FOXP1: variants seen among roughly 807,000 people sequenced by gnomAD.
FOXP1 encodes the protein forkhead box P1, also known as forkhead box protein P1.
A neutral mutation model predicts 98.2 loss-of-function variants in FOXP1; 15 were observed. The observed-to-expected ratio is 0.15, with a 90% CI of 0.10 to 0.24. The LOEUF (loss-of-function observed/expected upper bound fraction) is 0.24, where lower values mean the gene tolerates loss of function less well. Among genes scored for constraint, FOXP1 ranks in the 10% least tolerant of loss-of-function variants. FOXP1 has a pLI of 1.00. For missense variants in FOXP1, 633 were observed against 848.5 expected (o/e 0.75, Z 3.15); for synonymous variants, 371 against 314.5 (o/e 1.18, Z -1.90).
intron 4 of FOXP1, among the ~76,000 whole-genome samples, chr3:71,344,575 G>A (rs1314993052): frequency 6.6e-6 from 1 of 152,154 alleles, no homozygotes; most frequent in Admixed American, 6.5e-5. Context: ...TGTGGCTCAC[G>A]CCTGTAATCC....
intron 3 of FOXP1, among the ~76,000 whole-genome samples, chr3:71,365,413 C>T (rs2078847963): frequency 6.7e-6 from 1 of 150,360 alleles, no homozygotes; most frequent in African/African-American, 2.5e-5. Flanking sequence ...GAATCCCATG[C>T]CATTCCGAAC....
At chr3:71,483,744 C>A (rs114663770) in intron 3 of FOXP1, among the ~76,000 whole-genome samples, 1 of 152,210 alleles carries the variant, frequency 6.6e-6, no homozygotes, top group African/African-American at 2.4e-5. Context: ...AGAAAAGATT[C>A]GCTGATCCCT....
Position 71,421,670 on chromosome 3 carries a change from G to A in FOXP1, c.-167-62426C>T, listed in dbSNP as rs188760270. Among the ~76,000 whole-genome samples, 73 of 152,258 alleles carry A rather than the reference G, an allele frequency of 4.8e-4. No individual in the cohort carries two copies. In the East Asian group the frequency reaches 8.9e-3, roughly 19 times the overall value. The stretch of plus-strand genomic sequence containing the variant: ...GTGAATGGTTCACACTAGAAACAGA[G>A]GGGCCGCTGGTCTCAGGACCTCCTG... On this transcript the variant is annotated intron_variant, in intron 3 of 20. Transcript: ENST00000649528.
chr3:71,275,873 C>T (rs1288697), intron 5 of FOXP1, among the ~76,000 whole-genome samples: 114,026 of 152,140 alleles, frequency 0.75, 43,493 homozygotes, highest in East Asian at 0.92. Flanking sequence ...TGTGTTTCCC[C>T]GTCCTTTCCT....
intron 4 of FOXP1, among the ~76,000 whole-genome samples, chr3:71,353,431 T>C (rs1305545887): frequency 6.6e-6 from 1 of 152,188 alleles, no homozygotes; most frequent in East Asian, 1.9e-4. Flanking sequence ...ATGCAAAAAA[T>C]CTGGGTGTTA....
At chr3:71,573,318 C>T (rs1309755129) in intron 2 of FOXP1, among the ~76,000 whole-genome samples, 1 of 152,142 alleles carries the variant, frequency 6.6e-6, no homozygotes. Flanking sequence ...AAAAGGTGAA[C>T]TTTCGCCAGG....
intron 7 of FOXP1, among the ~76,000 whole-genome samples, chr3:71,071,012 G>A (rs1222146811): frequency 6.6e-6 from 1 of 152,178 alleles, no homozygotes; most frequent in Non-Finnish European, 1.5e-5. Context: ...CACACTGTGT[G>A]GCATAGAAGC....
At chr3:71,323,327 T>C (rs1176638213) in intron 4 of FOXP1, among the ~76,000 whole-genome samples, 20 of 152,070 alleles carry the variant, frequency 1.3e-4, no homozygotes, top group Admixed American at 1.3e-3. Context: ...AATGAAGTAG[T>C]ATAAGGAACA....
At chr3:71,068,412 G>A (rs933807501) in intron 7 of FOXP1, among the ~76,000 whole-genome samples, 4 of 152,168 alleles carry the variant, frequency 2.6e-5, no homozygotes, top group Non-Finnish European at 4.4e-5. Flanking sequence ...CAGGAGGAGC[G>A]TCTCCTCAGG....
At chr3:71,507,644 C>G (rs1208595018) in intron 2 of FOXP1, among the ~76,000 whole-genome samples, 1 of 151,998 alleles carries the variant, frequency 6.6e-6, no homozygotes, top group East Asian at 1.9e-4. Context: ...GTGGCACAAC[C>G]TCGGCTCACT....
At chr3:70,999,921 C>T (rs545274366) in intron 13 of FOXP1, among the ~76,000 whole-genome samples, 41 of 152,194 alleles carry the variant, frequency 2.7e-4, no homozygotes, top group Non-Finnish European at 5.9e-5. Context: ...TTTAATTTCC[C>T]CTAGTCGGCT....
chr3:71,041,227 C>A, intron 11 of FOXP1, 101 bp downstream of exon 11: 1 of 915,854 alleles, frequency 1.1e-6, no homozygotes, highest in Non-Finnish European at 1.8e-6. Context: ...ATTCAAGTCA[C>A]ATGGATCCAA....
At chr3:71,245,157 T>C (rs1241512456) in intron 5 of FOXP1, 1 of 152,194 alleles carries the variant, frequency 6.6e-6, no homozygotes, top group Admixed American at 6.5e-5. Flanking sequence ...CGTTTGTTTC[T>C]TATTGTCTGA....
At chr3:71,562,960 G>A (rs2046647960) in intron 2 of FOXP1, among the ~76,000 whole-genome samples, 1 of 152,158 alleles carries the variant, frequency 6.6e-6, no homozygotes, top group Non-Finnish European at 1.5e-5. Flanking sequence ...TCCTTTAAGA[G>A]CAATGGGAAG....
At chr3:71,178,504 T>A (rs533917224) in intron 6 of FOXP1, among the ~76,000 whole-genome samples, 140 of 152,194 alleles carry the variant, frequency 9.2e-4, no homozygotes, top group Middle Eastern at 3.4e-3. Context: ...AATCACTGCA[T>A]TTGGGAGGCC....
At chr3:71,427,766 G>A (rs1026659788) in intron 3 of FOXP1, among the ~76,000 whole-genome samples, 2 of 152,190 alleles carry the variant, frequency 1.3e-5, no homozygotes, top group Admixed American at 6.5e-5. Context: ...TAAAGAGGAT[G>A]CCTGGCTTTC....
chr3:70,966,481 T>C (rs974144760), intron 19 of FOXP1: 18 of 246,190 alleles, frequency 7.3e-5, no homozygotes, highest in African/African-American at 4.0e-4. Flanking sequence ...GATCAGATTA[T>C]CCTGGCCGCA....
At chr3:71,555,104 T>C (rs573203054) in intron 2 of FOXP1, among the ~76,000 whole-genome samples, 2 of 152,344 alleles carry the variant, frequency 1.3e-5, no homozygotes, top group East Asian at 1.9e-4. Context: ...AAATAAATAT[T>C]TGTGAGTTTA....
chr3:71,271,458 T>C (rs1173905051), intron 5 of FOXP1, among the ~76,000 whole-genome samples: 1 of 152,228 alleles, frequency 6.6e-6, no homozygotes, highest in Non-Finnish European at 1.5e-5. Context: ...GAAAATTCAC[T>C]GTAAATCTGG....
Sources: gnomAD v4.1 joint callset for allele counts (sites outside exome capture counted in the v4.1 genomes callset) on GRCh38, gnomAD v4.1.1 for gene constraint, MANE v1.5 for transcripts, NCBI Gene and HGNC (gene_info 2026-07-23, HGNC 2026-07-21) for gene names.